Variants in SNAP91 observed in about 807,000 individuals in gnomAD.
The protein encoded by SNAP91 is clathrin coat assembly protein AP180.
Under a neutral mutation model 100.3 loss-of-function variants are expected in SNAP91, and 27 were observed. That is an observed-to-expected ratio of 0.27 (90% CI 0.20 to 0.37). The LOEUF (loss-of-function observed/expected upper bound fraction) is 0.37. Ranked by LOEUF, SNAP91 falls within the 10% of genes least tolerant of loss-of-function variation. The pLI, the probability that SNAP91 is intolerant of heterozygous loss-of-function variation, is 1.00. For missense variants in SNAP91, 986 were observed against 1,123.7 expected, an observed-to-expected ratio of 0.88 and a Z score of 1.75; for synonymous variants, 404 against 398.6, an observed-to-expected ratio of 1.01 and a Z score of -0.16.
Position 83,594,317 on chromosome 6 carries a change from C to T in SNAP91, c.1432+57G>A, listed in dbSNP as rs141721172. The T allele has an allele frequency of 1.7e-3, 2,196 of 1,326,946 alleles. 21 individuals carry two copies. In the African/African-American group the frequency reaches 0.028, roughly 17 times the overall value. 82.2% of individuals were successfully genotyped at this position (1,326,946 alleles called of 1,614,324 possible). ...AAAAACATATGGCCTCTTCTAACTACGGGGGTTTTACATTAGGACAGAAGA... is the reference window on the plus strand; with the variant it reads ...AAAAACATATGGCCTCTTCTAACTATGGGGGTTTTACATTAGGACAGAAGA... On this transcript the variant is annotated intron_variant, in intron 17 of 29. Coordinates refer to ENST00000369694, the MANE Select transcript of SNAP91 (RefSeq NM_001242792.2).
At position 83,628,589 on chromosome 6, in the gene SNAP91, T is replaced by G. The variant is rs766731083; in HGVS notation, c.766-5247A>C. ...TTGCAGGAGTAAGGTGGTATCGCAT[T>G]GCAGTTTTGATTTGCATTTCCCTGA... On this transcript the variant is annotated intron_variant, in intron 8 of 29. Coordinates refer to ENST00000369694, the MANE Select transcript of SNAP91 (RefSeq NM_001242792.2). 3.7e-4 allele frequency among the ~76,000 whole-genome samples: 57 copies of G among 152,014 alleles called. 1 individual carries two copies. Among genetic ancestry groups the G allele is most frequent in the Non-Finnish European group, 5.3e-4 (36 of 67,980 alleles).
chr6:83,579,821 C>T (rs551176210), intron 24 of SNAP91, among the ~76,000 whole-genome samples: 25 of 152,134 alleles, frequency 1.6e-4, no homozygotes, highest in Non-Finnish European at 3.1e-4. Flanking sequence ...ATTTTACCTT[C>T]TTGTTGAGGC....
chr6:83,684,773 T>G lies in SNAP91; in HGVS notation c.131-19192A>C, dbSNP rs2099038791. Among the ~76,000 whole-genome samples, 4 of 152,188 alleles carry G rather than the reference T, an allele frequency of 2.6e-5. No individual in the cohort carries two copies. In the South Asian group the frequency reaches 8.3e-4, roughly 32 times the overall value. On this transcript the variant is annotated intron_variant, in intron 2 of 29. Coordinates refer to ENST00000369694, the MANE Select transcript of SNAP91 (RefSeq NM_001242792.2). Reference sequence around the variant, plus strand: ...CTCCAAGTCTTGGAGCTCTGTTATTTTTTAAAAAATCAGAAACTATTTAAT... The same window carrying G: ...CTCCAAGTCTTGGAGCTCTGTTATTGTTTAAAAAATCAGAAACTATTTAAT...
chr6:83,596,623 G>A (rs540532908), intron 16 of SNAP91, among the ~76,000 whole-genome samples: 5 of 151,742 alleles, frequency 3.3e-5, no homozygotes, highest in South Asian at 2.1e-4. Flanking sequence ...AGCTTAAAGC[G>A]TGTGTGTTCT....
intron 28 of SNAP91, 53 bp downstream of exon 28, chr6:83,560,051 G>A (rs1784729118): frequency 7.0e-7 from 1 of 1,438,554 alleles, no homozygotes; most frequent in African/African-American, 1.4e-5. Flanking sequence ...CTACACCAAT[G>A]TTTTACACTT....
Position 83,556,221 on chromosome 6 carries a change from TG to T in SNAP91, c.2655del (p.Ser886ValfsTer13). ...GTQLSPSPTP[A>X]SQSPKKPPAK... The stretch of plus-strand genomic sequence containing the variant: ...GCTGGAGGTTTCTTGGGACTCTGAC[TG>T]GCAGGTGTAGGGCTTGGAGAAAGCT... On this transcript the variant is annotated frameshift_variant, in exon 29 of 30. Transcript: ENST00000369694. LOFTEE classifies it high-confidence loss of function. 1 of 1,572,282 alleles carries T rather than the reference TG, an allele frequency of 6.4e-7. No individual in the cohort carries two copies.
At chr6:83,691,428 T>C (rs2099128706) in intron 2 of SNAP91, among the ~76,000 whole-genome samples, 1 of 152,118 alleles carries the variant, frequency 6.6e-6, no homozygotes, top group African/African-American at 2.4e-5. Context: ...ATGGTCAAAG[T>C]CCAAATATAT....
chr6:83,625,338 T>C (rs2096891618), intron 8 of SNAP91, among the ~76,000 whole-genome samples: 1 of 152,160 alleles, frequency 6.6e-6, no homozygotes, highest in South Asian at 2.1e-4. Flanking sequence ...TGAATAGTGC[T>C]GCAATGAACA....
chr6:83,682,768 G>A (rs1317095918), intron 2 of SNAP91, among the ~76,000 whole-genome samples: 1 of 134,482 alleles, frequency 7.4e-6, no homozygotes, highest in Non-Finnish European at 1.5e-5. Context: ...AGAGTGTGAT[G>A]TTCCCCTTCC....
At chr6:83,674,406 C>T (rs1184358320) in intron 2 of SNAP91, among the ~76,000 whole-genome samples, 2 of 152,016 alleles carry the variant, frequency 1.3e-5, no homozygotes, top group Admixed American at 1.3e-4. Context: ...TGCACTCCAG[C>T]CCGGGCGACA....
In SNAP91 at chr6:83,685,774, T is replaced by C. The variant is rs748371330; in HGVS notation, c.131-20193A>G. On this transcript the variant is annotated intron_variant, in intron 2 of 29. Coordinates refer to ENST00000369694, the MANE Select transcript of SNAP91 (RefSeq NM_001242792.2). ...AAAACTGAGGTTCTCAAAACAACTC[T>C]TTGAGCTGATCATTCTTTTGCTCCA... Among the ~76,000 whole-genome samples, 15 of 152,226 alleles carry C rather than the reference T, an allele frequency of 9.9e-5. 1 individual carries two copies. In the South Asian group the frequency reaches 1.2e-3, roughly 13 times the overall value.
chr6:83,634,725 G>T (rs2097359123), intron 8 of SNAP91, among the ~76,000 whole-genome samples: 1 of 152,128 alleles, frequency 6.6e-6, no homozygotes, highest in South Asian at 2.1e-4. Flanking sequence ...TCCTTTATGT[G>T]TGATGTTAGG....
At chr6:83,707,264 A>G (rs1421230947) in intron 2 of SNAP91, among the ~76,000 whole-genome samples, 1 of 151,414 alleles carries the variant, frequency 6.6e-6, no homozygotes, top group Non-Finnish European at 1.5e-5. Context: ...CATACCTCAC[A>G]CACACACACA....
chr6:83,624,278 T>C (rs1464097783), intron 8 of SNAP91, among the ~76,000 whole-genome samples: 4 of 152,124 alleles, frequency 2.6e-5, no homozygotes, highest in Non-Finnish European at 5.9e-5. Flanking sequence ...TTTTGTAGGT[T>C]TGAAAATTAT....
chr6:83,647,944 TGA>T (rs1251355001), intron 7 of SNAP91, among the ~76,000 whole-genome samples: 1 of 152,156 alleles, frequency 6.6e-6, no homozygotes, highest in African/African-American at 2.4e-5. Context: ...TATCACGTGG[TGA>T]GAGAGTGCAT....
At chr6:83,594,078 C>A (rs1218995500) in intron 17 of SNAP91, among the ~76,000 whole-genome samples, 2 of 151,860 alleles carry the variant, frequency 1.3e-5, no homozygotes, top group Non-Finnish European at 1.5e-5. Context: ...TTAAAACATG[C>A]CAATATATTT....
intron 7 of SNAP91, among the ~76,000 whole-genome samples, chr6:83,650,551 G>T (rs1199148089): frequency 6.6e-6 from 1 of 152,102 alleles, no homozygotes; most frequent in African/African-American, 2.4e-5. Flanking sequence ...CTGAGTAGCT[G>T]GGATTACAGG....
intron 26 of SNAP91, among the ~76,000 whole-genome samples, chr6:83,573,244 G>T (rs994795027): frequency 1.3e-5 from 2 of 152,076 alleles, no homozygotes; most frequent in African/African-American, 4.8e-5. Flanking sequence ...CAACTTACAA[G>T]GGATGTGAAG....
rs143663012 is a variant in SNAP91, at chr6:83,566,195, C to T, written c.2443-5248G>A. 5.6e-3 allele frequency among the ~76,000 whole-genome samples: 856 copies of T among 152,094 alleles called. 6 individuals are homozygous for T. The highest frequency in any genetic ancestry group is 0.01 in the Middle Eastern group (3 of 294). ...AGTAAAAGAAGCCAGGCATAAAAGG[C>T]TCTAAGGGTAAGGGGAAATTGAAAG... On this transcript the variant is annotated intron_variant, in intron 26 of 29. Transcript: ENST00000369694.
Sources: gnomAD v4.1 joint callset for allele counts (sites outside exome capture counted in the v4.1 genomes callset) on GRCh38, gnomAD v4.1.1 for gene constraint, MANE v1.5 for transcripts, NCBI Gene and HGNC (gene_info 2026-07-23, HGNC 2026-07-21) for gene names.